Variants in DCDC1 observed in about 807,000 individuals in gnomAD.
The protein encoded by DCDC1 is doublecortin domain containing 1, also known as doublecortin domain-containing protein 1.
DCDC1 carries 200 observed loss-of-function variants against 178.3 expected under a neutral mutation model. The ratio of observed to expected loss-of-function variants is 1.12; its 90% CI spans 1.00 to 1.26. The LOEUF is 1.26. Among genes scored for constraint, DCDC1 ranks in the 50% most tolerant of loss-of-function variants. The pLI is 0.00. For synonymous variants in DCDC1, 690 were observed against 604.8 expected (o/e 1.14, Z -2.07); for missense variants, 1,983 against 1,749.2 (o/e 1.13, Z -2.38).
At chr11:31,027,296 C>T (rs1004621665) in intron 20 of DCDC1, among the ~76,000 whole-genome samples, 3 of 151,734 alleles carry the variant, frequency 2.0e-5, no homozygotes, top group African/African-American at 7.2e-5. Context: ...TTCATGTTGC[C>T]TAAATTCTCT....
intron 9 of DCDC1, chr11:31,215,320 T>A: frequency 6.4e-6 from 1 of 155,066 alleles, no homozygotes; most frequent in Non-Finnish European, 1.4e-5. Flanking sequence ...AAATAAGAAA[T>A]TTCTGTTGAA....
At chr11:31,226,032 T>C (rs973946538) in intron 9 of DCDC1, among the ~76,000 whole-genome samples, 2 of 152,082 alleles carry the variant, frequency 1.3e-5, no homozygotes, top group African/African-American at 4.8e-5. Context: ...TAGGAGAATC[T>C]TGATGATGTA....
intron 1 of DCDC1, among the ~76,000 whole-genome samples, chr11:31,341,880 T>C (rs1318060582): frequency 6.6e-6 from 1 of 150,546 alleles, no homozygotes. Flanking sequence ...GAACCCTGAC[T>C]AATATACCCT....
At chr11:30,973,954 A>T (rs1174639969) in intron 20 of DCDC1, among the ~76,000 whole-genome samples, 1 of 151,940 alleles carries the variant, frequency 6.6e-6, no homozygotes, top group East Asian at 1.9e-4. Context: ...TCATCAGTAC[A>T]TGGAACATTC....
chr11:31,327,884 T>C (rs766447135), intron 3 of DCDC1, among the ~76,000 whole-genome samples: 4 of 151,848 alleles, frequency 2.6e-5, no homozygotes, highest in African/African-American at 9.7e-5. Flanking sequence ...CCCATGACCA[T>C]GTCCGGCTAA....
chr11:31,068,758 T>C (rs1429899612), intron 18 of DCDC1, among the ~76,000 whole-genome samples: 1 of 152,186 alleles, frequency 6.6e-6, no homozygotes, highest in Admixed American at 6.5e-5. Context: ...ATATGCATAA[T>C]AATTTTTGGG....
intron 21 of DCDC1, among the ~76,000 whole-genome samples, chr11:30,934,202 G>T (rs373604653): frequency 6.6e-6 from 1 of 152,042 alleles, no homozygotes; most frequent in Non-Finnish European, 1.5e-5. Context: ...ATTTGGTTTC[G>T]GGCCTTAAAT....
At chr11:30,883,190 T>C (rs796518734) in intron 36 of DCDC1, 24 of 154,380 alleles carry the variant, frequency 1.6e-4, no homozygotes, top group African/African-American at 5.6e-4. Context: ...AGAAATAGGG[T>C]TTCAAGTGAG....
chr11:30,952,602 A>AACCTT, intron 20 of DCDC1, 34 bp from the exon 21 acceptor site: 3 of 935,866 alleles, frequency 3.2e-6, no homozygotes, highest in Non-Finnish European at 4.9e-6. Context: ...AAAGAAATTT[A>AACCTT]GCAAGGTTAA....
intron 8 of DCDC1, among the ~76,000 whole-genome samples, chr11:31,253,724 G>C (rs756753299): frequency 6.6e-6 from 1 of 152,156 alleles, no homozygotes; most frequent in Admixed American, 6.6e-5. Context: ...GAAATAGTAT[G>C]TGCTTTTTTC....
At chr11:31,060,760 T>C (rs1045204115) in intron 20 of DCDC1, among the ~76,000 whole-genome samples, 3 of 152,168 alleles carry the variant, frequency 2.0e-5, no homozygotes, top group African/African-American at 7.2e-5. Flanking sequence ...TTCAATAATT[T>C]GTTATATTTT....
chr11:31,312,037 C>T (rs1948800344), intron 3 of DCDC1, among the ~76,000 whole-genome samples: 1 of 152,036 alleles, frequency 6.6e-6, no homozygotes, highest in African/African-American at 2.4e-5. Flanking sequence ...AAAAGAGACA[C>T]CTCTCCAACC....
At chr11:31,025,946 G>A (rs183523365) in intron 20 of DCDC1, among the ~76,000 whole-genome samples, 2 of 151,868 alleles carry the variant, frequency 1.3e-5, no homozygotes, top group Admixed American at 6.6e-5. Context: ...ATGACTTCAG[G>A]AAGAAGCCTT....
At chr11:31,193,549 T>C (rs1040671649) in intron 9 of DCDC1, among the ~76,000 whole-genome samples, 3 of 152,102 alleles carry the variant, frequency 2.0e-5, no homozygotes, top group Non-Finnish European at 2.9e-5. Context: ...TTGACTTTTT[T>C]CTCTGAATAG....
At chr11:31,077,790 A>G in intron 18 of DCDC1, 75 bp downstream of exon 18, 1 of 720,264 alleles carries the variant, frequency 1.4e-6, no homozygotes, top group East Asian at 2.5e-5. Flanking sequence ...GCTCTAAACA[A>G]TAGATAGTAC....
intron 9 of DCDC1, among the ~76,000 whole-genome samples, chr11:31,166,523 G>C (rs1326705448): frequency 6.6e-6 from 1 of 152,132 alleles, no homozygotes; most frequent in Admixed American, 6.5e-5. Context: ...AGAATCAAGT[G>C]TATTACAAAT....
At chr11:30,968,910 C>A (rs1041416752) in intron 20 of DCDC1, among the ~76,000 whole-genome samples, 1 of 151,322 alleles carries the variant, frequency 6.6e-6, no homozygotes, top group East Asian at 1.9e-4. Context: ...TAAATAAACA[C>A]AAATTCCTTT....
Position 30,888,149 on chromosome 11 carries a change from AGAAAGAAAGAAAGG to A in DCDC1, c.5082+4655_5082+4668del, listed in dbSNP as rs1328533113. On this transcript the variant is annotated intron_variant, in intron 36 of 38. Coordinates refer to ENST00000684477, the MANE Select transcript of DCDC1 (RefSeq NM_001387274.1). ...AAGAAAGAAAGAAAGAAAGAAAGAA[AGAAAGAAAGAAAGG>A]GAAAGAAAGAAAGAGAAAGGAAGGA... Among the ~76,000 whole-genome samples, 695 of 139,280 alleles carry A rather than the reference AGAAAGAAAGAAAGG, an allele frequency of 5.0e-3. 9 individuals carry two copies. Among genetic ancestry groups the A allele is most frequent in the African/African-American group, 0.021 (664 of 32,312 alleles). 91.4% of individuals were successfully genotyped at this position (139,280 alleles called of 152,430 possible).
intron 9 of DCDC1, among the ~76,000 whole-genome samples, chr11:31,239,869 T>C (rs898577662): frequency 6.6e-6 from 1 of 151,898 alleles, no homozygotes. Context: ...TTTCTTACAA[T>C]GCACAGAGCT....
Sources: allele counts gnomAD v4.1 joint callset (sites outside exome capture counted in the v4.1 genomes callset), GRCh38; gene constraint gnomAD v4.1.1; transcripts MANE v1.5; gene names NCBI Gene and HGNC (gene_info 2026-07-23, HGNC 2026-07-21).